The following AFG1L variants were observed in gnomAD, a reference collection of about 807,000 sequenced individuals.
AFG1L encodes the protein AFG1 like ATPase.
AFG1L carries 53 observed loss-of-function variants against 62.2 expected under a neutral mutation model. The ratio of observed to expected loss-of-function variants is 0.85; its 90% CI spans 0.68 to 1.07. The LOEUF is 1.07. AFG1L is among the 50% of genes least tolerant of loss of function. The pLI is 0.00. For missense variants in AFG1L, 555 were observed against 590.5 expected (o/e 0.94, Z 0.62); for synonymous variants, 228 against 210.3 (o/e 1.08, Z -0.73).
At position 108,311,444 on chromosome 6, in the gene AFG1L, C is replaced by G. The variant is rs557695297; in HGVS notation, c.140-12381C>G. Among the ~76,000 whole-genome samples, 22 of 152,290 alleles carry G rather than the reference C, an allele frequency of 1.4e-4. No individual in the cohort carries two copies. The South Asian group carries it at 4.6e-3, about 32-fold the overall frequency. On this transcript the variant is annotated intron_variant, in intron 1 of 12. Transcript: ENST00000368977. The stretch of plus-strand genomic sequence containing the variant: ...CCCGTTCCCCTTATGACATACCATA[C>G]ACTTTATTAGAGTTGTTTATCCACT...
chr6:108,464,958 A>G (rs989230559), intron 8 of AFG1L, among the ~76,000 whole-genome samples: 3 of 152,190 alleles, frequency 2.0e-5, no homozygotes, highest in Admixed American at 6.5e-5. Flanking sequence ...CTCAGAATGG[A>G]GCTGTTTCAC....
chr6:108,394,308 C>G (rs564658612), intron 6 of AFG1L, among the ~76,000 whole-genome samples: 1 of 151,926 alleles, frequency 6.6e-6, no homozygotes, highest in African/African-American at 2.4e-5. Context: ...CTACTACACC[C>G]GGCTAATCTT....
intron 5 of AFG1L, among the ~76,000 whole-genome samples, chr6:108,365,216 A>C (rs1467772446): frequency 6.6e-6 from 1 of 152,170 alleles, no homozygotes; most frequent in Non-Finnish European, 1.5e-5. Flanking sequence ...ACTTAGGGGA[A>C]GTTGCAATGA....
At chr6:108,467,518 G>T (rs1302529871) in intron 8 of AFG1L, among the ~76,000 whole-genome samples, 1 of 152,142 alleles carries the variant, frequency 6.6e-6, no homozygotes, top group Non-Finnish European at 1.5e-5. Flanking sequence ...AAAGTGCTGG[G>T]ATTACAGGTG....
intron 11 of AFG1L, among the ~76,000 whole-genome samples, chr6:108,511,741 GA>G (rs1218647588): frequency 1.3e-5 from 2 of 152,278 alleles, no homozygotes; most frequent in African/African-American, 4.8e-5. Context: ...GGCTTTGTGG[GA>G]AGAAGATAAG....
chr6:108,494,556 A>C (rs1250125985), intron 10 of AFG1L, among the ~76,000 whole-genome samples: 3 of 152,014 alleles, frequency 2.0e-5, no homozygotes, highest in African/African-American at 7.2e-5. Flanking sequence ...CAAATGGCAA[A>C]ACTTTCCCTC....
At chr6:108,304,077 A>T (rs1777112273) in intron 1 of AFG1L, among the ~76,000 whole-genome samples, 1 of 152,236 alleles carries the variant, frequency 6.6e-6, no homozygotes, top group Admixed American at 6.6e-5. Flanking sequence ...AAGGAAAAGA[A>T]TGGTAACCAC....
intron 1 of AFG1L, among the ~76,000 whole-genome samples, chr6:108,298,414 C>T (rs765825557): frequency 1.3e-5 from 2 of 151,780 alleles, no homozygotes; most frequent in African/African-American, 4.8e-5. Flanking sequence ...TACAGGCGCC[C>T]GCCACCACAC....
chr6:108,315,974 A>G (rs1311473715), intron 1 of AFG1L, among the ~76,000 whole-genome samples: 2 of 152,014 alleles, frequency 1.3e-5, no homozygotes, highest in African/African-American at 2.4e-5. Context: ...TTGAGCCTGG[A>G]AGGTTGAGGC....
intron 6 of AFG1L, among the ~76,000 whole-genome samples, chr6:108,381,156 C>T (rs759326235): frequency 5.9e-5 from 9 of 152,082 alleles, no homozygotes; most frequent in Non-Finnish European, 1.3e-4. Context: ...GCTCTTGAAC[C>T]TGAAATAAAG....
At chr6:108,478,734 A>T (rs1773222024) in intron 10 of AFG1L, among the ~76,000 whole-genome samples, 1 of 152,126 alleles carries the variant, frequency 6.6e-6, no homozygotes, top group South Asian at 2.1e-4. Flanking sequence ...ACGGGAAAAG[A>T]CAGGCCTGTT....
intron 12 of AFG1L, chr6:108,522,071 T>C: frequency 3.0e-6 from 1 of 329,712 alleles, no homozygotes. Context: ...GGAGAAAGTT[T>C]TCCCTTTTAA....
At chr6:108,422,476 G>GTAAAAAAAAAAAAAAAAAAAAAAAAA (rs1770634582) in intron 7 of AFG1L, among the ~76,000 whole-genome samples, 1 of 8,292 alleles carries the variant, frequency 1.2e-4, no homozygotes, top group Non-Finnish European at 2.1e-4. Flanking sequence ...TTAGTCCTCA[G>GTAAAAAAAAAAAAAAAAAAAAAAAAA]CAAAAAAAAA....
At chr6:108,429,473 C>T (rs1770971233) in intron 7 of AFG1L, among the ~76,000 whole-genome samples, 1 of 152,206 alleles carries the variant, frequency 6.6e-6, no homozygotes, top group East Asian at 1.9e-4. Flanking sequence ...AATTTCCTCC[C>T]ACCAGGTCCT....
intron 8 of AFG1L, among the ~76,000 whole-genome samples, chr6:108,448,749 C>T (rs1362978170): frequency 3.3e-5 from 5 of 152,228 alleles, no homozygotes; most frequent in South Asian, 4.1e-4. Flanking sequence ...CAGTTTTGAT[C>T]TTTAAAAATA....
intron 5 of AFG1L, among the ~76,000 whole-genome samples, chr6:108,357,743 C>T (rs983647494): frequency 4.6e-5 from 7 of 152,074 alleles, no homozygotes; most frequent in Admixed American, 1.3e-4. Flanking sequence ...TGAAATTATG[C>T]GTTTAAATTG....
intron 6 of AFG1L, among the ~76,000 whole-genome samples, chr6:108,375,596 T>C (rs1780207764): frequency 6.6e-6 from 1 of 152,224 alleles, no homozygotes; most frequent in Admixed American, 6.5e-5. Context: ...ATGGTTTTTG[T>C]TTTTAATTCT....
At chr6:108,476,591 A>G (rs529158442) in intron 8 of AFG1L, among the ~76,000 whole-genome samples, 10 of 152,322 alleles carry the variant, frequency 6.6e-5, no homozygotes, top group Admixed American at 1.3e-4. Flanking sequence ...TTGTGTACAC[A>G]TGGTATTAAT....
At chr6:108,505,086 TTTTTTC>T (rs1034592533) in intron 10 of AFG1L, among the ~76,000 whole-genome samples, 4 of 150,032 alleles carry the variant, frequency 2.7e-5, no homozygotes, top group African/African-American at 4.9e-5. Flanking sequence ...TGGATTTTTT[TTTTTTC>T]TTTTTTCTTT....
Sources: gnomAD v4.1 joint callset for allele counts (sites outside exome capture counted in the v4.1 genomes callset) on GRCh38, gnomAD v4.1.1 for gene constraint, MANE v1.5 for transcripts, NCBI Gene and HGNC (gene_info 2026-07-23, HGNC 2026-07-21) for gene names.